DOCK1: variants seen among roughly 807,000 people sequenced by gnomAD.
The protein encoded by DOCK1 is dedicator of cytokinesis 1.
A neutral mutation model predicts 262.7 loss-of-function variants in DOCK1; 138 were observed. The observed-to-expected ratio is 0.53, with a 90% CI of 0.46 to 0.61. DOCK1 has a LOEUF of 0.61. Among genes scored for constraint, DOCK1 ranks in the 20% least tolerant of loss-of-function variants. The pLI, the probability that DOCK1 is intolerant of heterozygous loss-of-function variation, is 0.00. For synonymous variants in DOCK1, 866 were observed against 867.4 expected (o/e 1.00, Z 0.03); for missense variants, 1,908 against 2,370.7 (o/e 0.80, Z 4.05).
rs957700940 is a variant in DOCK1, at chr10:127,362,319, G to T, written c.3432+107G>T. ...TTCTAGAGTTAAAGGTGCCAACGTG[G>T]AAAACACATTTTCCTACAGCTTGAG... On this transcript the variant is annotated intron_variant, in intron 33 of 51. Transcript: ENST00000623213. The T allele has an allele frequency of 1.5e-5, 19 of 1,263,850 alleles. No individual in the cohort carries two copies. The East Asian group carries it at 4.4e-4, about 30-fold the overall frequency. The allele number at this position is 1,263,850 out of a possible 1,614,324, so 78.3% of individuals were successfully genotyped here.
rs2068138077 is a variant in DOCK1, at chr10:127,416,143, G to A, written c.4515+905G>A. Among the ~76,000 whole-genome samples, 3 of 152,238 alleles carry A rather than the reference G, an allele frequency of 2.0e-5. No homozygotes were observed. The South Asian group carries it at 6.2e-4, about 31-fold the overall frequency. ...GCTATGGGCCACTCTCTGAGAGGTTGCCCGCAGTCAGAGCCACTGCTTTAT... is the reference window on the plus strand; with the variant it reads ...GCTATGGGCCACTCTCTGAGAGGTTACCCGCAGTCAGAGCCACTGCTTTAT... On this transcript the variant is annotated intron_variant, in intron 44 of 51. Transcript: ENST00000623213.
intron 27 of DOCK1, among the ~76,000 whole-genome samples, chr10:127,239,857 GC>G (rs1009941528): frequency 3.9e-5 from 6 of 151,986 alleles, no homozygotes; most frequent in African/African-American, 1.4e-4. Context: ...TTAAGAAGCT[GC>G]AAACAAAGTA....
intron 29 of DOCK1, among the ~76,000 whole-genome samples, chr10:127,283,778 G>T (rs2061050270): frequency 6.6e-6 from 1 of 152,126 alleles, no homozygotes; most frequent in African/African-American, 2.4e-5. Context: ...TCAGTACATT[G>T]TATCATTTTC....
At chr10:127,144,397 G>A (rs2051586676) in intron 27 of DOCK1, among the ~76,000 whole-genome samples, 1 of 152,162 alleles carries the variant, frequency 6.6e-6, no homozygotes, top group African/African-American at 2.4e-5. Context: ...TGGGATCGTA[G>A]CTGTCTTCCC....
intron 1 of DOCK1, among the ~76,000 whole-genome samples, chr10:126,930,087 T>G (rs1392997495): frequency 4.6e-5 from 7 of 152,238 alleles, no homozygotes; most frequent in Admixed American, 3.9e-4. Flanking sequence ...GTGTCTGCCT[T>G]CGTCCATTTA....
chr10:127,323,015 G>C (rs1268017685), intron 29 of DOCK1, among the ~76,000 whole-genome samples: 1 of 152,158 alleles, frequency 6.6e-6, no homozygotes, highest in South Asian at 2.1e-4. Flanking sequence ...GCTTCCCCTT[G>C]TGCTCCCCAG....
intron 42 of DOCK1, among the ~76,000 whole-genome samples, chr10:127,410,015 A>G (rs2067750777): frequency 6.6e-6 from 1 of 152,214 alleles, no homozygotes; most frequent in Admixed American, 6.5e-5. Flanking sequence ...TGTGTTTGAT[A>G]TTAAGACTTT....
intron 1 of DOCK1, among the ~76,000 whole-genome samples, chr10:126,952,510 GTGT>G (rs1174830669): frequency 4.6e-5 from 7 of 151,618 alleles, no homozygotes; most frequent in South Asian, 2.1e-4. Flanking sequence ...GGTAGTGTTG[GTGT>G]TGTTATTCTT....
chr10:127,409,208 G>A, intron 41 of DOCK1, 30 bp downstream of exon 41: 1 of 1,612,748 alleles, frequency 6.2e-7, no homozygotes, highest in Non-Finnish European at 8.5e-7. Flanking sequence ...CATCAACTCT[G>A]AAACCATGGT....
intron 29 of DOCK1, among the ~76,000 whole-genome samples, chr10:127,276,107 G>T (rs1408484194): frequency 1.3e-5 from 2 of 152,168 alleles, no homozygotes; most frequent in Non-Finnish European, 2.9e-5. Context: ...TGTCTTTTAA[G>T]CTTCAACAAA....
chr10:127,095,433 G>A (rs928486340), intron 23 of DOCK1, among the ~76,000 whole-genome samples: 4 of 152,214 alleles, frequency 2.6e-5, no homozygotes, highest in African/African-American at 9.6e-5. Flanking sequence ...GGCTTCGGTT[G>A]CTCATTTGAA....
chr10:126,955,396 G>A (rs2036650080), intron 1 of DOCK1, among the ~76,000 whole-genome samples: 5 of 152,342 alleles, frequency 3.3e-5, no homozygotes, highest in Admixed American at 3.3e-4. Context: ...AAAGGGCTGG[G>A]ATTACAGGCG....
chr10:127,265,392 A>G (rs1000592820), intron 29 of DOCK1, among the ~76,000 whole-genome samples: 1 of 152,182 alleles, frequency 6.6e-6, no homozygotes. Context: ...ATTAAAAAAA[A>G]AAAATCATGG....
intron 25 of DOCK1, among the ~76,000 whole-genome samples, chr10:127,113,173 G>T (rs199759878): frequency 2.6e-5 from 4 of 152,006 alleles, no homozygotes; most frequent in Non-Finnish European, 5.9e-5. Flanking sequence ...GGTTGTTTTT[G>T]TCCTGTTTCC....
chr10:126,915,687 G>A (rs1261835965), intron 1 of DOCK1, among the ~76,000 whole-genome samples: 3 of 152,150 alleles, frequency 2.0e-5, no homozygotes, highest in Non-Finnish European at 2.9e-5. Flanking sequence ...TCCTGACCTC[G>A]TGATCTGCCC....
intron 23 of DOCK1, among the ~76,000 whole-genome samples, chr10:127,090,983 GTT>G (rs34548050): frequency 7.3e-6 from 1 of 137,176 alleles, no homozygotes; most frequent in Non-Finnish European, 1.6e-5. Flanking sequence ...CGTCTATTTG[GTT>G]TTTTTTTTTT....
In DOCK1 at chr10:127,026,333, TC is replaced by T. The variant is rs2042860110; in HGVS notation, c.1552-18del. ...TGATATTGATAACAGTGCTTAAACT[TC>T]TTTTTCAATTCTTGAAGGTGGCCAT... On this transcript the variant is annotated intron_variant, in intron 15 of 51. Transcript: ENST00000623213. 1.3e-6 allele frequency: 2 copies of T among 1,555,188 alleles called. No homozygotes were observed. Among genetic ancestry groups the T allele is most frequent in the Non-Finnish European group, 1.7e-6 (2 of 1,148,474 alleles).
At chr10:127,262,224 G>GT (rs2060196605) in intron 29 of DOCK1, among the ~76,000 whole-genome samples, 1 of 151,148 alleles carries the variant, frequency 6.6e-6, no homozygotes, top group African/African-American at 2.4e-5. Flanking sequence ...GTGTGTGTGT[G>GT]TGTGTACCCG....
chr10:127,318,416 G>C (rs950962250), intron 29 of DOCK1, among the ~76,000 whole-genome samples: 3 of 152,178 alleles, frequency 2.0e-5, no homozygotes, highest in African/African-American at 7.2e-5. Context: ...AGACGAGTAG[G>C]GCTGGGATGG....
Sources: gnomAD v4.1 joint callset for allele counts (sites outside exome capture counted in the v4.1 genomes callset) on GRCh38, gnomAD v4.1.1 for gene constraint, MANE v1.5 for transcripts, NCBI Gene and HGNC (gene_info 2026-07-23, HGNC 2026-07-21) for gene names.